The following ELF1 variants were observed in gnomAD, a reference collection of about 807,000 sequenced individuals.
ELF1 encodes the protein E74 like ETS transcription factor 1, also known as ETS-related transcription factor Elf-1.
Under a neutral mutation model 59.9 loss-of-function variants are expected in ELF1, and 24 were observed. The observed-to-expected ratio is 0.40, with a 90% confidence interval of 0.29 to 0.56. The LOEUF (loss-of-function observed/expected upper bound fraction) is 0.56. ELF1 is among the 20% of genes least tolerant of loss of function. The pLI, the probability that ELF1 is intolerant of heterozygous loss-of-function variation, is 0.44. For synonymous variants in ELF1, 248 were observed against 266.2 expected (o/e 0.93, Z 0.67); for missense variants, 627 against 742.2 (o/e 0.84, Z 1.80).
At position 40,933,771 on chromosome 13, in the gene ELF1, T is replaced by G; in HGVS notation, c.1514A>C (p.Gln505Pro). The G allele has an allele frequency of 6.2e-7, 1 of 1,614,284 alleles. No homozygotes were observed. The highest frequency in any genetic ancestry group is 8.5e-7 in the Non-Finnish European group (1 of 1,180,052). The change falls in exon 9 of 9, where the codon CAG becomes CCG. Residue 505 changes from glutamine (Q) to proline (P), a missense_variant. By Grantham distance (76) the Gln-to-Pro change is moderately conservative. Around this residue, in one of 3 missense-constraint regions of ELF1, gnomAD observed 361 missense variants for 396.1 expected, o/e 0.91. Coordinates refer to ENST00000239882, the MANE Select transcript of ELF1 (RefSeq NM_172373.4). ...PSIVLGPAQV[Q>P]QVLTSNVQTI... ...CTGAACATTGCTAGTAAGGACCTGCTGAACCTGGGCAGGGCCCAAGACAAT... is the reference window on the plus strand; with the variant it reads ...CTGAACATTGCTAGTAAGGACCTGCGGAACCTGGGCAGGGCCCAAGACAAT...
chr13:40,990,721 G>A (rs1163326199), intron 1 of ELF1, among the ~76,000 whole-genome samples: 1 of 151,826 alleles, frequency 6.6e-6, no homozygotes, highest in Non-Finnish European at 1.5e-5. Flanking sequence ...CGGGCTTGGT[G>A]GTGTGTGCCT....
intron 2 of ELF1, among the ~76,000 whole-genome samples, chr13:40,967,187 T>A (rs1259620085): frequency 6.6e-6 from 1 of 152,200 alleles, no homozygotes; most frequent in Non-Finnish European, 1.5e-5. Flanking sequence ...CTTTTACATT[T>A]GATTTAAAAA....
At chr13:41,060,914 T>TGCTGCCGCTGCCGCTGCCGCCGCC (rs878930377) in exon 1 of ELF1, 2 of 335,422 alleles carry the variant, frequency 6.0e-6, no homozygotes, top group African/African-American at 4.6e-5. Flanking sequence ...AAGCTGCTGC[T>TGCTGCCGCTGCCGCTGCCGCCGCC]GCCGCCGCCG....
At chr13:41,025,477 G>C (rs531451785) in intron 1 of ELF1, among the ~76,000 whole-genome samples, 7 of 152,246 alleles carry the variant, frequency 4.6e-5, no homozygotes, top group African/African-American at 1.2e-4. Flanking sequence ...TTTTATAAAG[G>C]CTTCAAGGAA....
intron 2 of ELF1, among the ~76,000 whole-genome samples, chr13:40,962,973 AG>A (rs1231134556): frequency 6.6e-6 from 1 of 152,226 alleles, no homozygotes; most frequent in African/African-American, 2.4e-5. Context: ...CTAAAATGGG[AG>A]AGTAGCATGC....
chr13:40,980,288 G>A (rs957694845), intron 2 of ELF1, among the ~76,000 whole-genome samples: 2 of 152,078 alleles, frequency 1.3e-5, no homozygotes, highest in Admixed American at 6.5e-5. Context: ...ATAAAATGGG[G>A]ATCAGTATTT....
At chr13:41,005,450 CAAAAAAA>C (rs11383900) in intron 1 of ELF1, among the ~76,000 whole-genome samples, 2 of 55,002 alleles carry the variant, frequency 3.6e-5, no homozygotes, top group Non-Finnish European at 6.8e-5. Flanking sequence ...TATACCTATC[CAAAAAAA>C]AAAAAAAAAA....
At chr13:41,009,947 CT>C (rs1566188283) in intron 1 of ELF1, among the ~76,000 whole-genome samples, 1 of 151,028 alleles carries the variant, frequency 6.6e-6, no homozygotes, top group Non-Finnish European at 1.5e-5. Flanking sequence ...CACAAAGAGC[CT>C]TTGTTTTCCT....
At chr13:40,943,965 A>C in intron 5 of ELF1, 40 bp from the exon 6 acceptor site, 1 of 1,583,470 alleles carries the variant, frequency 6.3e-7, no homozygotes, top group Non-Finnish European at 8.6e-7. Context: ...TTGCCTTCAA[A>C]AGTGAGAGAA....
intron 1 of ELF1, chr13:40,993,315 C>A (rs1873961119): frequency 6.6e-7 from 1 of 1,514,576 alleles, no homozygotes; most frequent in Non-Finnish European, 9.2e-7. Context: ...CATTTTGGGA[C>A]TGCTGCCTTT....
chr13:41,034,911 G>A (rs17532301), intron 1 of ELF1, among the ~76,000 whole-genome samples: 7,587 of 150,752 alleles, frequency 0.05, 223 homozygotes, highest in Middle Eastern at 0.11. Flanking sequence ...GGCATTCTAC[G>A]CCCCCAGCAT....
chr13:40,975,057 G>A (rs1872817913), intron 2 of ELF1, among the ~76,000 whole-genome samples: 1 of 152,134 alleles, frequency 6.6e-6, no homozygotes, highest in African/African-American at 2.4e-5. Flanking sequence ...AGTTTGATAT[G>A]ACAAGATTTA....
At chr13:40,959,387 T>C (rs528252960) in intron 2 of ELF1, among the ~76,000 whole-genome samples, 199 of 151,940 alleles carry the variant, frequency 1.3e-3, no homozygotes, top group African/African-American at 4.0e-3. Flanking sequence ...TCTCAGCTAC[T>C]AGGGAGGCTG....
intron 1 of ELF1, among the ~76,000 whole-genome samples, chr13:41,055,458 G>A (rs1160630281): frequency 6.6e-6 from 1 of 151,064 alleles, no homozygotes; most frequent in Non-Finnish European, 1.5e-5. Context: ...TCCTACAGGA[G>A]GCCTTTCCTC....
intron 1 of ELF1, among the ~76,000 whole-genome samples, chr13:41,014,757 CA>C (rs1875260187): frequency 6.6e-6 from 1 of 152,028 alleles, no homozygotes; most frequent in Admixed American, 6.6e-5. Context: ...TATCTTCAAA[CA>C]ATTCAAATGA....
At chr13:40,992,740 A>G (rs1873925964) in intron 1 of ELF1, 1 of 243,980 alleles carries the variant, frequency 4.1e-6, no homozygotes, top group African/African-American at 2.3e-5. Flanking sequence ...TTAGAGTCAA[A>G]GTCTTGAACA....
intron 1 of ELF1, among the ~76,000 whole-genome samples, chr13:41,030,850 G>C (rs1299504794): frequency 6.6e-6 from 1 of 151,892 alleles, no homozygotes. Flanking sequence ...GTGGGGAGGT[G>C]ACGAGACTGT....
At chr13:41,054,353 C>A (rs7328075) in intron 1 of ELF1, among the ~76,000 whole-genome samples, 1 of 152,204 alleles carries the variant, frequency 6.6e-6, no homozygotes, top group Non-Finnish European at 1.5e-5. Flanking sequence ...AACAGTAAAT[C>A]GCAAATGAAT....
At chr13:41,061,382 T>C (rs1877619497) in exon 1 of ELF1, 1 of 540,562 alleles carries the variant, frequency 1.8e-6, no homozygotes, top group Non-Finnish European at 3.3e-6. Context: ...CCGTCGCGCT[T>C]TTACCCCTTC....
Sources: allele counts gnomAD v4.1 joint callset (sites outside exome capture counted in the v4.1 genomes callset), GRCh38; gene constraint gnomAD v4.1.1; regional missense constraint gnomAD v4.1.1; transcripts MANE v1.5; gene names NCBI Gene and HGNC (gene_info 2026-07-23, HGNC 2026-07-21).